Variants in NT5C2 observed in about 807,000 individuals in gnomAD.
The protein encoded by NT5C2 is 5'-nucleotidase, cytosolic II.
NT5C2 carries 58 observed loss-of-function variants against 76.1 expected under a neutral mutation model. The ratio of observed to expected loss-of-function variants is 0.76; its 90% CI spans 0.62 to 0.95. NT5C2 has a LOEUF of 0.95. Among genes scored for constraint, NT5C2 ranks in the 40% least tolerant of loss-of-function variants. The probability of loss-of-function intolerance (pLI) is 0.00; values close to 1 mark genes in which losing one functional copy is unlikely to be tolerated. For missense variants in NT5C2, 478 were observed against 690.3 expected (o/e 0.69, Z 3.45); for synonymous variants, 229 against 237.4 (o/e 0.96, Z 0.32).
chr10:103,172,285 C>T (rs868297284), intron 3 of NT5C2, among the ~76,000 whole-genome samples: 18 of 143,312 alleles, frequency 1.3e-4, no homozygotes, highest in Admixed American at 7.7e-4. Context: ...CTCGCTCTGT[C>T]ACCCAGGCTG....
chr10:103,132,992 G>A (rs2078508049), intron 4 of NT5C2, among the ~76,000 whole-genome samples: 1 of 152,190 alleles, frequency 6.6e-6, no homozygotes, highest in Non-Finnish European at 1.5e-5. Flanking sequence ...CATACTATAT[G>A]ATATGCCTTG....
intron 4 of NT5C2, among the ~76,000 whole-genome samples, chr10:103,121,416 A>T (rs1396296813): frequency 3.3e-5 from 5 of 152,154 alleles, no homozygotes; most frequent in Non-Finnish European, 7.3e-5. Flanking sequence ...CAATGCCAGT[A>T]AGTTTGGTGA....
chr10:103,089,581 C>T lies in NT5C2; in HGVS notation c.*91G>A. On this transcript the variant is annotated 3_prime_UTR_variant, in exon 19 of 19. Transcript: ENST00000404739. ...TACCTTTCATGGAGCCCCCTCCCTC[C>T]CCCGAGTAGAACCCTAACAGGGACC... is the stretch of plus-strand genomic sequence containing the variant. 1.4e-6 allele frequency: 2 copies of T among 1,438,386 alleles called. No homozygotes were observed. The highest frequency in any genetic ancestry group is 1.8e-6 in the Non-Finnish European group (2 of 1,094,248). The allele number at this position is 1,438,386 out of a possible 1,614,324, so 89.1% of individuals were successfully genotyped here.
At chr10:103,119,788 C>T (rs543976554) in intron 4 of NT5C2, among the ~76,000 whole-genome samples, 1 of 137,924 alleles carries the variant, frequency 7.3e-6, no homozygotes, top group Non-Finnish European at 1.6e-5. Context: ...TTTACATTGT[C>T]ATTGGTTTCA....
At position 103,139,390 on chromosome 10, in the gene NT5C2, A is replaced by C; in HGVS notation, c.175+16T>G. On this transcript the variant is annotated intron_variant, in intron 4 of 18. Coordinates refer to ENST00000404739, the MANE Select transcript of NT5C2 (RefSeq NM_001351169.2). Reference sequence around the variant, plus strand: ...CCAAAGCAGCAGTTCTTAAGCAATCAGAAATTGCTACTCACCAGCAAGGGT... The same window carrying C: ...CCAAAGCAGCAGTTCTTAAGCAATCCGAAATTGCTACTCACCAGCAAGGGT... 6.5e-7 allele frequency: 1 copy of C among 1,542,108 alleles called. No homozygotes were observed. The highest frequency in any genetic ancestry group is 8.8e-7 in the Non-Finnish European group (1 of 1,133,072).
intron 4 of NT5C2, among the ~76,000 whole-genome samples, chr10:103,119,977 T>C (rs992356813): frequency 1.3e-5 from 2 of 151,972 alleles, no homozygotes; most frequent in African/African-American, 4.8e-5. Context: ...CACGAGCCTA[T>C]AGTCCCAGCT....
At chr10:103,142,355 T>A (rs1480773779) in intron 3 of NT5C2, among the ~76,000 whole-genome samples, 1 of 152,178 alleles carries the variant, frequency 6.6e-6, no homozygotes, top group African/African-American at 2.4e-5. Context: ...ATCAGCATGA[T>A]GGTCTTTCAG....
chr10:103,120,617 A>C (rs1330371121), intron 4 of NT5C2, among the ~76,000 whole-genome samples: 2 of 152,248 alleles, frequency 1.3e-5, no homozygotes, highest in Non-Finnish European at 2.9e-5. Flanking sequence ...ATTATCAAAC[A>C]ACAACAAAAA....
At chr10:103,094,836 C>T (rs1418988418) in intron 12 of NT5C2, among the ~76,000 whole-genome samples, 1 of 147,226 alleles carries the variant, frequency 6.8e-6, no homozygotes, top group African/African-American at 2.5e-5. Context: ...GAGCCGAGAT[C>T]GTGCCACTGC....
At chr10:103,178,663 T>C (rs1456547667) in intron 2 of NT5C2, among the ~76,000 whole-genome samples, 1 of 151,402 alleles carries the variant, frequency 6.6e-6, no homozygotes, top group Non-Finnish European at 1.5e-5. Flanking sequence ...AAACCCCGTC[T>C]CTACTAAATA....
intron 3 of NT5C2, among the ~76,000 whole-genome samples, chr10:103,143,413 A>G (rs1161818210): frequency 2.0e-5 from 3 of 151,886 alleles, no homozygotes; most frequent in African/African-American, 7.2e-5. Context: ...AAAAATGCCT[A>G]ATTTATATAT....
intron 4 of NT5C2, chr10:103,125,199 T>A: frequency 1.4e-6 from 1 of 710,540 alleles, no homozygotes. Context: ...CCTCCACACC[T>A]GTTTAGCCTG....
chr10:103,158,750 G>A (rs1306041927), intron 3 of NT5C2, among the ~76,000 whole-genome samples: 5 of 151,678 alleles, frequency 3.3e-5, no homozygotes, highest in East Asian at 1.9e-4. Flanking sequence ...CCCAGGAGGC[G>A]GAGGTTGCTG....
At position 103,182,591 on chromosome 10, in the gene NT5C2, C is replaced by T. The variant is rs528749870; in HGVS notation, c.-168-1263G>A. On this transcript the variant is annotated intron_variant, in intron 1 of 18. Transcript: ENST00000404739. ...CAGAGCTTGCAGTGAGCCGAGATCC[C>T]GCCACTGTACTCTAGCCTGGGTGAC... 6.7e-4 allele frequency among the ~76,000 whole-genome samples: 102 copies of T among 151,740 alleles called. 1 individual carries two copies. Among genetic ancestry groups the T allele is most frequent in the African/African-American group, 2.3e-3 (95 of 41,332 alleles).
chr10:103,106,620 T>G lies in NT5C2; in HGVS notation c.262A>C (p.Ser88Arg). The part of the protein sequence containing the change: ...VSIGYPQELL[S>R]FAYDSTFPTR... Reference sequence around the variant, plus strand: ...GGGAATGTAGAATCATAAGCAAAGCTGAGCAACTCCTGGGGATAGCCAATA... The same window carrying G: ...GGGAATGTAGAATCATAAGCAAAGCGGAGCAACTCCTGGGGATAGCCAATA... Residue 88 changes from serine to arginine, a missense_variant, in exon 5 of 19, where the codon AGC becomes CGC. By Grantham distance (110) the Ser-to-Arg change is moderately radical. Transcript: ENST00000404739. 2 of 1,613,290 alleles carry G rather than the reference T, an allele frequency of 1.2e-6. No individual in the cohort carries two copies. The highest frequency in any genetic ancestry group is 8.5e-7 in the Non-Finnish European group (1 of 1,179,244).
At chr10:103,129,825 A>G (rs2077689013) in intron 4 of NT5C2, among the ~76,000 whole-genome samples, 1 of 76,228 alleles carries the variant, frequency 1.3e-5, no homozygotes. Flanking sequence ...GGCCGCCCCT[A>G]CTGGGAAGTG....
intron 6 of NT5C2, chr10:103,105,419 C>A (rs1038015117): frequency 7.4e-6 from 6 of 810,744 alleles, no homozygotes; most frequent in Non-Finnish European, 1.0e-5. Context: ...CTTAGAATTT[C>A]AAATAAGTCA....
intron 10 of NT5C2, 44 bp downstream of exon 10, chr10:103,098,887 A>T (rs1303357233): frequency 7.6e-7 from 1 of 1,315,008 alleles, no homozygotes; most frequent in South Asian, 1.3e-5. Context: ...CCTAATAGGT[A>T]AAATGAGCTA....
At chr10:103,164,494 G>A (rs2085857235) in intron 3 of NT5C2, among the ~76,000 whole-genome samples, 1 of 152,100 alleles carries the variant, frequency 6.6e-6, no homozygotes, top group South Asian at 2.1e-4. Context: ...TTGACCTTGT[G>A]ATCCACCTGC....
Sources: allele counts gnomAD v4.1 joint callset (sites outside exome capture counted in the v4.1 genomes callset), GRCh38; gene constraint gnomAD v4.1.1; transcripts MANE v1.5; gene names NCBI Gene and HGNC (gene_info 2026-07-23, HGNC 2026-07-21).